MRTFB: variants seen among roughly 807,000 people sequenced by gnomAD.
MRTFB encodes the protein myocardin related transcription factor B.
Under a neutral mutation model 104.2 loss-of-function variants are expected in MRTFB, and 29 were observed. The observed-to-expected ratio is 0.28, with a 90% CI of 0.21 to 0.38. The LOEUF (loss-of-function observed/expected upper bound fraction) is 0.38, where lower values mean the gene tolerates loss of function less well. Among genes scored for constraint, MRTFB ranks in the 10% least tolerant of loss-of-function variants. MRTFB has a pLI of 1.00. For missense variants in MRTFB, 1,270 were observed against 1,341.6 expected (o/e 0.95, Z 0.83); for synonymous variants, 535 against 519.5 (o/e 1.03, Z -0.41).
intron 3 of MRTFB, chr16:14,144,683 C>T (rs1036410525): frequency 6.6e-6 from 1 of 152,058 alleles, no homozygotes; most frequent in Non-Finnish European, 1.5e-5. Context: ...GGCGCAGTGG[C>T]TCAAGCCTGT....
chr16:14,133,355 T>C (rs1459526999), intron 2 of MRTFB, among the ~76,000 whole-genome samples: 2 of 152,240 alleles, frequency 1.3e-5, no homozygotes, highest in Admixed American at 1.3e-4. Context: ...ACTGGCATGA[T>C]TCGTCAGGAT....
intron 12 of MRTFB, 125 bp downstream of exon 12, chr16:14,247,632 T>A: frequency 2.5e-6 from 2 of 802,100 alleles, no homozygotes; most frequent in Non-Finnish European, 1.9e-6. Flanking sequence ...GGAGAAAACG[T>A]ATGCATGTGT....
Position 14,249,002 on chromosome 16 carries a change from C to T in MRTFB, c.2324C>T (p.Ser775Leu). Residue 775 changes from serine to leucine, a missense_variant, in exon 13 of 17, where the codon TCA becomes TTA. Ser to Leu is a moderately radical substitution (Grantham distance 145). Coordinates refer to ENST00000571589, the MANE Select transcript of MRTFB (RefSeq NM_001308142.2). ...AAQIPTAALASGLAPTVPQTQ... is the reference protein window; with the variant it reads ...AAQIPTAALALGLAPTVPQTQ... Reference sequence around the variant, plus strand: ...CAAATACCAACTGCTGCCTTGGCCTCAGGCTTGGCCCCAACTGTACCTCAG... The same window carrying T: ...CAAATACCAACTGCTGCCTTGGCCTTAGGCTTGGCCCCAACTGTACCTCAG... 6.2e-7 allele frequency: 1 copy of T among 1,614,214 alleles called. No individual in the cohort carries two copies. The highest frequency in any genetic ancestry group is 1.7e-5 in the Admixed American group (1 of 60,032).
chr16:14,037,892 T>C, the MRTFB span, among the ~76,000 whole-genome samples: 1 of 152,226 alleles, frequency 6.6e-6, no homozygotes, highest in East Asian at 1.9e-4. Context: ...GGAGCTCTCA[T>C]TTCTGTTCTG....
intron 3 of MRTFB, among the ~76,000 whole-genome samples, chr16:14,178,570 CTTAATTCCCACT>C (rs1242511400): frequency 1.3e-5 from 2 of 152,182 alleles, no homozygotes; most frequent in East Asian, 3.8e-4. Flanking sequence ...AAGGCAAATG[CTTAATTCCCACT>C]TTAAGAGAGC....
chr16:14,140,381 T>C (rs1463768648), intron 2 of MRTFB, among the ~76,000 whole-genome samples, 163 bp from the exon 3 acceptor site: 1 of 152,216 alleles, frequency 6.6e-6, no homozygotes, highest in African/African-American at 2.4e-5. Context: ...AAGTATGTTA[T>C]TCCTGTTAGA....
the MRTFB span, among the ~76,000 whole-genome samples, chr16:14,058,811 T>C: frequency 5.6e-5 from 8 of 143,240 alleles, no homozygotes; most frequent in East Asian, 1.9e-3. Flanking sequence ...CTCTGCCTCC[T>C]GGATTCAAGA....
At chr16:14,168,658 C>T (rs1248374197) in intron 3 of MRTFB, among the ~76,000 whole-genome samples, 1 of 152,174 alleles carries the variant, frequency 6.6e-6, no homozygotes, top group Admixed American at 6.5e-5. Context: ...TGGACACTTT[C>T]CAATCTGAGG....
chr16:14,132,038 CTGATGCATGGGT>C (rs1315982879), intron 2 of MRTFB, among the ~76,000 whole-genome samples: 5 of 152,172 alleles, frequency 3.3e-5, no homozygotes, highest in Non-Finnish European at 7.3e-5. Flanking sequence ...AGTCCATCAT[CTGATGCATGGGT>C]AAACAAAAGG....
At chr16:14,121,642 CGTTTTT>C (rs1041275347) in intron 2 of MRTFB, among the ~76,000 whole-genome samples, 61 of 152,130 alleles carry the variant, frequency 4.0e-4, no homozygotes, top group African/African-American at 1.3e-3. Flanking sequence ...GCCCTGAAAG[CGTTTTT>C]GTTTTTGTTT....
the MRTFB span, chr16:14,013,013 GA>G: frequency 6.6e-6 from 1 of 152,244 alleles, no homozygotes; most frequent in Non-Finnish European, 1.5e-5. Flanking sequence ...CCCAAATGCA[GA>G]GCTAAAATCA....
intron 3 of MRTFB, among the ~76,000 whole-genome samples, chr16:14,173,830 G>A (rs531126522): frequency 5.9e-5 from 9 of 152,022 alleles, no homozygotes; most frequent in South Asian, 2.1e-4. Flanking sequence ...AATGGTTTAC[G>A]GATTTGAATT....
At chr16:14,087,171 A>G (rs2034763163) in intron 2 of MRTFB, among the ~76,000 whole-genome samples, 1 of 152,232 alleles carries the variant, frequency 6.6e-6, no homozygotes, top group Non-Finnish European at 1.5e-5. Context: ...TAGTATCTGC[A>G]GCTGAATTGG....
At chr16:14,260,758 G>C in intron 16 of MRTFB, 151 bp from the exon 17 acceptor site, 1 of 637,848 alleles carries the variant, frequency 1.6e-6, no homozygotes, top group South Asian at 2.1e-5. Context: ...GTCAAGGATT[G>C]TACCTGACCA....
intron 2 of MRTFB, among the ~76,000 whole-genome samples, chr16:14,084,687 G>T (rs1156985855): frequency 1.3e-5 from 2 of 152,202 alleles, no homozygotes; most frequent in Non-Finnish European, 2.9e-5. Flanking sequence ...TTATGTGACT[G>T]TGCATTCATA....
intron 6 of MRTFB, 64 bp from the exon 7 acceptor site, chr16:14,217,062 A>C: frequency 6.7e-7 from 1 of 1,483,888 alleles, no homozygotes; most frequent in Non-Finnish European, 9.0e-7. Context: ...TGTTGGCCTG[A>C]AATAACATTA....
chr16:14,107,680 G>A (rs1418030957), intron 2 of MRTFB, among the ~76,000 whole-genome samples: 3 of 152,216 alleles, frequency 2.0e-5, no homozygotes, highest in Non-Finnish European at 4.4e-5. Context: ...AGGGATAGAT[G>A]CATAGGTGAA....
chr16:14,245,849 T>C (rs1179225689), intron 11 of MRTFB, among the ~76,000 whole-genome samples, 189 bp downstream of exon 11: 2 of 152,396 alleles, frequency 1.3e-5, no homozygotes, highest in East Asian at 3.9e-4. Flanking sequence ...CCAATAACTG[T>C]CATTTACTGA....
intron 2 of MRTFB, chr16:14,092,600 A>G (rs2035145461): frequency 6.6e-6 from 1 of 152,058 alleles, no homozygotes; most frequent in African/African-American, 2.4e-5. Context: ...TTTTTTTAAA[A>G]TTTTGTTACA....
Sources: allele counts gnomAD v4.1 joint callset (sites outside exome capture counted in the v4.1 genomes callset), GRCh38; gene constraint gnomAD v4.1.1; transcripts MANE v1.5; gene names NCBI Gene and HGNC (gene_info 2026-07-23, HGNC 2026-07-21).